The following GABRB1 variants were observed in gnomAD, a reference collection of about 807,000 sequenced individuals.
GABRB1 encodes gamma-aminobutyric acid receptor subunit beta-1.
GABRB1 carries 17 observed loss-of-function variants against 51.6 expected under a neutral mutation model. That is an observed-to-expected ratio of 0.33 (90% confidence interval 0.23 to 0.49). GABRB1 has a LOEUF of 0.49. Ranked by LOEUF, GABRB1 falls within the 20% of genes least tolerant of loss-of-function variation. The probability of loss-of-function intolerance (pLI) is 0.99; values close to 1 mark genes in which losing one functional copy is unlikely to be tolerated. For missense variants in GABRB1, 410 were observed against 600.6 expected, an observed-to-expected ratio of 0.68 and a Z score of 3.32; for synonymous variants, 247 against 218.9, an observed-to-expected ratio of 1.13 and a Z score of -1.14.
intron 4 of GABRB1, among the ~76,000 whole-genome samples, chr4:47,229,950 C>A (rs1193164603): frequency 2.0e-5 from 3 of 152,050 alleles, no homozygotes; most frequent in African/African-American, 4.8e-5. Context: ...TGTTTTAAGC[C>A]ACCAGATTTG....
chr4:47,374,771 A>G (rs1274533974), intron 5 of GABRB1, among the ~76,000 whole-genome samples: 1 of 152,236 alleles, frequency 6.6e-6, no homozygotes, highest in Non-Finnish European at 1.5e-5. Context: ...TTTTCCCCAC[A>G]GAGTGTATGC....
intron 4 of GABRB1, among the ~76,000 whole-genome samples, chr4:47,277,642 G>A (rs901316973): frequency 4.6e-5 from 7 of 151,366 alleles, no homozygotes; most frequent in Non-Finnish European, 1.5e-5. Context: ...CCTACTATGT[G>A]CCCACAAAAA....
chr4:47,374,182 C>A (rs762272896), intron 5 of GABRB1, among the ~76,000 whole-genome samples: 2 of 152,182 alleles, frequency 1.3e-5, no homozygotes, highest in African/African-American at 4.8e-5. Flanking sequence ...TTACATAATT[C>A]TGCAGGCCAG....
chr4:47,164,871 A>G (rs1014186804), intron 4 of GABRB1, among the ~76,000 whole-genome samples: 1 of 152,122 alleles, frequency 6.6e-6, no homozygotes, highest in African/African-American at 2.4e-5. Context: ...ACTATGCAAC[A>G]GATATTCGGC....
At chr4:47,341,452 T>C (rs745709706) in intron 5 of GABRB1, among the ~76,000 whole-genome samples, 3 of 152,126 alleles carry the variant, frequency 2.0e-5, no homozygotes, top group African/African-American at 7.2e-5. Context: ...ATCTAGCAAG[T>C]AAAGGTGGGT....
At chr4:47,371,092 C>G (rs1197664756) in intron 5 of GABRB1, among the ~76,000 whole-genome samples, 5 of 114,710 alleles carry the variant, frequency 4.4e-5, no homozygotes, top group African/African-American at 1.0e-4. Flanking sequence ...CCCTCCCCCA[C>G]CCCCACCCTG....
At chr4:47,284,097 C>CAAAAA (rs780643469) in intron 4 of GABRB1, among the ~76,000 whole-genome samples, 2 of 48,906 alleles carry the variant, frequency 4.1e-5, no homozygotes, top group South Asian at 7.5e-4. Context: ...GACTCAGTCT[C>CAAAAA]AAAAAAAAAA....
At chr4:47,166,140 C>T (rs1488901478) in intron 4 of GABRB1, among the ~76,000 whole-genome samples, 2 of 152,026 alleles carry the variant, frequency 1.3e-5, no homozygotes, top group African/African-American at 4.8e-5. Flanking sequence ...TTTCTGTAAA[C>T]ATATCTGAGG....
chr4:47,321,500 A>G (rs1725085903), intron 5 of GABRB1, among the ~76,000 whole-genome samples: 1 of 152,228 alleles, frequency 6.6e-6, no homozygotes, highest in Non-Finnish European at 1.5e-5. Context: ...TCATCATATA[A>G]AGAAGTTATT....
intron 5 of GABRB1, among the ~76,000 whole-genome samples, chr4:47,397,540 G>A (rs1327913255): frequency 6.6e-6 from 1 of 151,910 alleles, no homozygotes; most frequent in African/African-American, 2.4e-5. Flanking sequence ...TTTACTACCT[G>A]GTAGGGCTAG....
At chr4:46,994,528 G>C (rs3762610) in intron 1 of GABRB1, 13,299 of 151,740 alleles carry the variant, frequency 0.088, 682 homozygotes, top group South Asian at 0.19. Context: ...GAGAGAGAGA[G>C]AGAGAGAGGC....
At chr4:47,045,241 TC>T (rs1484700582) in intron 3 of GABRB1, among the ~76,000 whole-genome samples, 1 of 152,068 alleles carries the variant, frequency 6.6e-6, no homozygotes, top group African/African-American at 2.4e-5. Context: ...AACAACACTT[TC>T]CTAGGAAACC....
chr4:47,352,910 A>G (rs528775962), intron 5 of GABRB1, among the ~76,000 whole-genome samples: 1 of 152,210 alleles, frequency 6.6e-6, no homozygotes, highest in Non-Finnish European at 1.5e-5. Context: ...AGCAAAAACT[A>G]TGTATTAGTC....
chr4:47,145,811 G>A lies in GABRB1; in HGVS notation c.241-15438G>A, dbSNP rs576689803. ...AGAATCGTTACCATAGCAACTCCCAGGCTGACTCATTCATAGATAACTCTT... is the reference window on the plus strand; with the variant it reads ...AGAATCGTTACCATAGCAACTCCCAAGCTGACTCATTCATAGATAACTCTT... On this transcript the variant is annotated intron_variant, in intron 3 of 8. Coordinates refer to ENST00000295454, the MANE Select transcript of GABRB1 (RefSeq NM_000812.4). Among the ~76,000 whole-genome samples the A allele has an allele frequency of 2.6e-5, 4 of 152,120 alleles. No homozygotes were observed. The East Asian group carries it at 7.8e-4, about 30-fold the overall frequency.
At chr4:47,325,950 C>T (rs1192084051) in intron 5 of GABRB1, among the ~76,000 whole-genome samples, 1 of 152,086 alleles carries the variant, frequency 6.6e-6, no homozygotes, top group Non-Finnish European at 1.5e-5. Context: ...GGGCAGAGTC[C>T]TCATGAATGG....
At chr4:47,423,021 A>G (rs552440121) in intron 8 of GABRB1, among the ~76,000 whole-genome samples, 19 of 152,180 alleles carry the variant, frequency 1.2e-4, no homozygotes, top group Non-Finnish European at 2.4e-4. Flanking sequence ...GGCCCTCATT[A>G]TCTATCCCCT....
At chr4:47,242,457 A>G (rs956753581) in intron 4 of GABRB1, among the ~76,000 whole-genome samples, 2 of 152,204 alleles carry the variant, frequency 1.3e-5, no homozygotes, top group South Asian at 2.1e-4. Flanking sequence ...TTGAGGAATC[A>G]CCACACTGTC....
At chr4:47,071,042 G>C (rs935537694) in intron 3 of GABRB1, among the ~76,000 whole-genome samples, 2 of 152,128 alleles carry the variant, frequency 1.3e-5, no homozygotes, top group Admixed American at 6.5e-5. Flanking sequence ...TCTTATCTCA[G>C]CAAGAAGCAA....
At chr4:47,146,274 G>A (rs1717166958) in intron 3 of GABRB1, among the ~76,000 whole-genome samples, 1 of 151,940 alleles carries the variant, frequency 6.6e-6, no homozygotes, top group African/African-American at 2.4e-5. Context: ...GATAATAAAT[G>A]CCTCTGTCTT....
Sources: gnomAD v4.1 joint callset for allele counts (sites outside exome capture counted in the v4.1 genomes callset) on GRCh38, gnomAD v4.1.1 for gene constraint, MANE v1.5 for transcripts, NCBI Gene and HGNC (gene_info 2026-07-23, HGNC 2026-07-21) for gene names.